Variants in SLC18B1 observed in about 807,000 individuals in gnomAD.
SLC18B1 encodes the protein MFS-type transporter SLC18B1.
Under a neutral mutation model 53.9 loss-of-function variants are expected in SLC18B1, and 62 were observed. That is an observed-to-expected ratio of 1.15 (90% CI 0.94 to 1.42). SLC18B1 has a LOEUF of 1.42. Among genes scored for constraint, SLC18B1 ranks in the 40% most tolerant of loss-of-function variants. The probability of loss-of-function intolerance (pLI) is 0.00; values close to 1 mark genes in which losing one functional copy is unlikely to be tolerated. For missense variants in SLC18B1, 598 were observed against 547.3 expected, an observed-to-expected ratio of 1.09 and a Z score of -0.93; for synonymous variants, 217 against 200.9, an observed-to-expected ratio of 1.08 and a Z score of -0.68.
chr6:132,776,990 C>G (rs890796848), intron 7 of SLC18B1, among the ~76,000 whole-genome samples: 5 of 151,806 alleles, frequency 3.3e-5, no homozygotes, highest in African/African-American at 9.7e-5. Context: ...GAGGTTGAGG[C>G]GGGTGGATCA....
chr6:132,792,989 T>C (rs1331069017), intron 2 of SLC18B1, among the ~76,000 whole-genome samples: 1 of 152,076 alleles, frequency 6.6e-6, no homozygotes, highest in Non-Finnish European at 1.5e-5. Context: ...GGTGTGGTGA[T>C]GCGCGCCTGT....
intron 10 of SLC18B1, among the ~76,000 whole-genome samples, chr6:132,772,513 A>G (rs1781002734): frequency 6.6e-6 from 1 of 152,220 alleles, no homozygotes; most frequent in Non-Finnish European, 1.5e-5. Flanking sequence ...GAAGATGGAA[A>G]GAGAACAAAG....
At chr6:132,778,174 T>C (rs1029197867) in intron 7 of SLC18B1, among the ~76,000 whole-genome samples, 13 of 152,050 alleles carry the variant, frequency 8.5e-5, no homozygotes, top group Admixed American at 6.6e-4. Context: ...AATTGATCAG[T>C]TGGGGTGGGG....
At chr6:132,796,066 C>T (rs1013163785) in intron 2 of SLC18B1, among the ~76,000 whole-genome samples, 1 of 151,344 alleles carries the variant, frequency 6.6e-6, no homozygotes, top group Admixed American at 6.6e-5. Flanking sequence ...TACAAAAATT[C>T]GGCCGGGCAC....
intron 2 of SLC18B1, among the ~76,000 whole-genome samples, chr6:132,794,105 T>TG (rs1453051888): frequency 7.0e-6 from 1 of 143,186 alleles, no homozygotes; most frequent in African/African-American, 2.9e-5. Flanking sequence ...ATTTTTTTTT[T>TG]AATTTTTTTT....
chr6:132,773,151 A>C, intron 9 of SLC18B1, 63 bp from the exon 10 acceptor site: 3 of 1,169,508 alleles, frequency 2.6e-6, no homozygotes, highest in Non-Finnish European at 3.8e-6. Flanking sequence ...TAACAAACAC[A>C]AAGCTTAATG....
Position 132,770,256 on chromosome 6 carries a change from C to T in SLC18B1, c.*14G>A. On this transcript the variant is annotated 3_prime_UTR_variant, in exon 14 of 14. Transcript: ENST00000275227. ...TTCATTTCTCAACCTTGTATCAATCCAGGATCCATCGGACTAGGTTTCATT... is the reference window on the plus strand; with the variant it reads ...TTCATTTCTCAACCTTGTATCAATCTAGGATCCATCGGACTAGGTTTCATT... The T allele has an allele frequency of 3.1e-6, 5 of 1,606,112 alleles. No individual in the cohort carries two copies. Among genetic ancestry groups the T allele is most frequent in the Non-Finnish European group, 4.3e-6 (5 of 1,172,764 alleles).
intron 5 of SLC18B1, among the ~76,000 whole-genome samples, chr6:132,786,758 C>T (rs901646539): frequency 4.6e-5 from 7 of 151,630 alleles, no homozygotes; most frequent in Non-Finnish European, 7.4e-5. Context: ...GTGCGTGGGC[C>T]CAGAGAGAGA....
At chr6:132,795,986 G>A (rs1252902471) in intron 2 of SLC18B1, among the ~76,000 whole-genome samples, 2 of 152,196 alleles carry the variant, frequency 1.3e-5, no homozygotes, top group African/African-American at 2.4e-5. Context: ...GCCAAGGTAA[G>A]CAGATCACCT....
rs1334116797 is a variant in SLC18B1 at position 132,770,096 on chromosome 6, T to C, written c.*174A>G. 2.2e-6 allele frequency: 1 copy of C among 454,842 alleles called. No individual in the cohort carries two copies. The highest frequency in any genetic ancestry group is 3.9e-6 in the Non-Finnish European group (1 of 253,420). The allele number at this position is 454,842 out of a possible 1,614,324, so 28.2% of individuals were successfully genotyped here. On this transcript the variant is annotated 3_prime_UTR_variant, in exon 14 of 14. Coordinates refer to ENST00000275227, the MANE Select transcript of SLC18B1 (RefSeq NM_052831.3). ...GCTTCAGCAGGACAGCTTTTCAGTA[T>C]CACAGTAAGTACAGCCCAATACAGG...
chr6:132,774,210 G>GA lies in SLC18B1; in HGVS notation c.989+11dup. 1.3e-6 allele frequency: 2 copies of GA among 1,579,076 alleles called. No homozygotes were observed. The highest frequency in any genetic ancestry group is 8.6e-7 in the Non-Finnish European group (1 of 1,163,262). Reference sequence around the variant, plus strand: ...TTATTTGGCCAAACATACAGAAGAAGAAAAAAATTACCTTTTAATATGCAA... The same window carrying GA: ...TTATTTGGCCAAACATACAGAAGAAGAAAAAAAATTACCTTTTAATATGCAA... On this transcript the variant is annotated intron_variant, in intron 9 of 13. Coordinates refer to ENST00000275227, the MANE Select transcript of SLC18B1 (RefSeq NM_052831.3).
At chr6:132,773,883 A>C (rs58820482) in intron 9 of SLC18B1, among the ~76,000 whole-genome samples, 23,260 of 152,072 alleles carry the variant, frequency 0.15, 3,667 homozygotes, top group African/African-American at 0.41. Context: ...GAAAAAAAAA[A>C]CAAAAATATA....
chr6:132,798,299 C>A, intron 1 of SLC18B1, 115 bp downstream of exon 1: 3 of 1,178,712 alleles, frequency 2.5e-6, no homozygotes, highest in Non-Finnish European at 3.4e-6. Flanking sequence ...CAGGCCCCAG[C>A]CTTTTCCAAT....
chr6:132,782,070 C>T (rs917312511), intron 6 of SLC18B1, among the ~76,000 whole-genome samples: 7 of 151,742 alleles, frequency 4.6e-5, no homozygotes, highest in African/African-American at 1.5e-4. Flanking sequence ...CACCTGTACT[C>T]CCAGCTACTC....
rs1044308518 is a variant in SLC18B1, at chr6:132,774,322, G to A, written c.898-9C>T. ...AGCCATTTCCTTAGAGGCTGGTAAA[G>A]GAGAAAGAGAGTCAAAATGATTCTT... On this transcript the variant is annotated splice_polypyrimidine_tract_variant and intron_variant, in intron 8 of 13. Transcript: ENST00000275227. 14 of 1,606,314 alleles carry A rather than the reference G, an allele frequency of 8.7e-6. No individual in the cohort carries two copies. The Admixed American group carries it at 2.2e-4, about 25-fold the overall frequency.
chr6:132,797,102 A>C lies in SLC18B1; in HGVS notation c.63T>G (p.Ser21Arg). 1 of 1,613,926 alleles carries C rather than the reference A, an allele frequency of 6.2e-7. No individual in the cohort carries two copies. The highest frequency in any genetic ancestry group is 8.5e-7 in the Non-Finnish European group (1 of 1,179,968). The change falls in exon 2 of 14, where the codon AGT becomes AGG. Residue 21 changes from serine (S) to arginine (R), a missense_variant. Ser to Arg is a moderately radical substitution (Grantham distance 110, BLOSUM62 -1). Coordinates refer to ENST00000275227, the MANE Select transcript of SLC18B1 (RefSeq NM_052831.3). ...AAAGCCACCCGGGGGTCTCTCCTGC[A>C]CTTCCTGCAGGATCATCACCTTGAA... ...RAPGGDDPAG[S>R]AGETPGWLSR...
intron 2 of SLC18B1, among the ~76,000 whole-genome samples, chr6:132,790,519 T>C (rs1724932927): frequency 6.6e-6 from 1 of 152,210 alleles, no homozygotes; most frequent in African/African-American, 2.4e-5. Flanking sequence ...GTTAGCTTTA[T>C]GTGGCAAAAG....
At position 132,783,634 on chromosome 6, in the gene SLC18B1, T is replaced by G. The variant is rs545022253; in HGVS notation, c.658+299A>C. Reference sequence around the variant, plus strand: ...CCTTCTAGGAAGACTGGGCCATATGTGGCCCACAGAAACTTCTGGTTTTGA... The same window carrying G: ...CCTTCTAGGAAGACTGGGCCATATGGGGCCCACAGAAACTTCTGGTTTTGA... On this transcript the variant is annotated intron_variant, in intron 6 of 13. Coordinates refer to ENST00000275227, the MANE Select transcript of SLC18B1 (RefSeq NM_052831.3). Among the ~76,000 whole-genome samples, 32 of 152,366 alleles carry G rather than the reference T, an allele frequency of 2.1e-4. No individual in the cohort carries two copies. In the East Asian group the frequency reaches 5.6e-3, roughly 27 times the overall value.
chr6:132,770,874 C>A lies in SLC18B1; in HGVS notation c.1304+16G>T, dbSNP rs760607296. 1.3e-6 allele frequency: 2 copies of A among 1,598,300 alleles called. No homozygotes were observed. Among genetic ancestry groups the A allele is most frequent in the Non-Finnish European group, 1.7e-6 (2 of 1,175,748 alleles). ...AACTTTTAAAGAGAGAAAAAAAGCC[C>A]CAAAATTGACCATACCTTTTTCTCC... On this transcript the variant is annotated intron_variant, in intron 13 of 13. Transcript: ENST00000275227.
Sources: gnomAD v4.1 joint callset for allele counts (sites outside exome capture counted in the v4.1 genomes callset) on GRCh38, gnomAD v4.1.1 for gene constraint, MANE v1.5 for transcripts, NCBI Gene and HGNC (gene_info 2026-07-23, HGNC 2026-07-21) for gene names.